The following PWWP2A variants were observed in gnomAD, a reference collection of about 807,000 sequenced individuals.
PWWP2A encodes the protein PWWP domain-containing protein 2A.
A neutral mutation model predicts 48.5 loss-of-function variants in PWWP2A; 18 were observed. The ratio of observed to expected loss-of-function variants is 0.37; its 90% CI spans 0.26 to 0.55. The LOEUF is 0.55. Ranked by LOEUF, PWWP2A falls within the 20% of genes least tolerant of loss-of-function variation. The pLI, the probability that PWWP2A is intolerant of heterozygous loss-of-function variation, is 0.81. For synonymous variants in PWWP2A, 396 were observed against 387.7 expected, an observed-to-expected ratio of 1.02 and a Z score of -0.25; for missense variants, 867 against 976.4, an observed-to-expected ratio of 0.89 and a Z score of 1.49.
the PWWP2A span, among the ~76,000 whole-genome samples, chr5:160,050,737 C>T: frequency 6.6e-6 from 1 of 151,504 alleles, no homozygotes; most frequent in African/African-American, 2.4e-5. Context: ...GCAACCCTCC[C>T]ACCTCAGCCT....
the PWWP2A span, among the ~76,000 whole-genome samples, chr5:160,054,176 G>A: frequency 6.6e-6 from 1 of 152,158 alleles, no homozygotes; most frequent in Non-Finnish European, 1.5e-5. Context: ...TTAAGGGTAT[G>A]TGTGGTTGAT....
chr5:160,050,246 G>A, the PWWP2A span, among the ~76,000 whole-genome samples: 2 of 152,152 alleles, frequency 1.3e-5, no homozygotes, highest in Admixed American at 6.5e-5. Flanking sequence ...TCGGGAGTTC[G>A]AGACCAGCCT....
At chr5:160,107,919 T>C (rs1050289625) in intron 1 of PWWP2A, among the ~76,000 whole-genome samples, 4 of 152,232 alleles carry the variant, frequency 2.6e-5, no homozygotes, top group African/African-American at 9.6e-5. Flanking sequence ...AAGAATTGTT[T>C]GAACCCGAAA....
the PWWP2A span, among the ~76,000 whole-genome samples, chr5:160,049,095 C>A: frequency 5.3e-5 from 8 of 152,188 alleles, no homozygotes; most frequent in African/African-American, 1.9e-4. Context: ...AAGCCAAATC[C>A]AGCCTGCCAC....
downstream of PWWP2A, chr5:160,089,970 G>A: frequency 2.0e-6 from 2 of 984,380 alleles, 1 homozygote; most frequent in Middle Eastern, 1.0e-3. Flanking sequence ...TTAATATTCA[G>A]CTATTAGAGT....
downstream of PWWP2A, chr5:160,091,144 C>CA: frequency 2.0e-6 from 2 of 979,962 alleles, no homozygotes; most frequent in African/African-American, 3.5e-5. Context: ...CTCTATACTA[C>CA]AAAATCTTAT....
chr5:160,087,317 G>A (rs1275441579), downstream of PWWP2A, among the ~76,000 whole-genome samples: 1 of 150,334 alleles, frequency 6.7e-6, no homozygotes, highest in Non-Finnish European at 1.5e-5. Flanking sequence ...TTGACCCCAG[G>A]AAGTCTAGGC....
chr5:160,093,403 T>C lies in PWWP2A; in HGVS notation c.1247A>G (p.Lys416Arg). 6.2e-7 allele frequency: 1 copy of C among 1,613,752 alleles called. No homozygotes were observed. Among genetic ancestry groups the C allele is most frequent in the Non-Finnish European group, 8.5e-7 (1 of 1,179,828 alleles). Reference protein sequence around the residue: ...NTSKAQLSTKKVLQSKNMDHA... With the variant: ...NTSKAQLSTKRVLQSKNMDHA... ...ATCCATGTTCTTACTCTGGAGAACT[T>C]TTTTAGTACTTAACTGAGCTTTTGA... is the stretch of plus-strand genomic sequence containing the variant. The change falls in exon 2 of 2, where the codon AAA becomes AGA. Residue 416 changes from lysine (K) to arginine (R), a missense_variant. This residue lies in a region of PWWP2A where 382 missense variants were observed against 407.2 expected (regional missense o/e 0.94). Transcript: ENST00000307063. This position sits in a 1 kb window ranked among gnomAD's most constrained non-coding sequence, Gnocchi z 5.8.
intron 1 of PWWP2A, 109 bp downstream of exon 1, chr5:160,118,696 G>T: frequency 1.8e-6 from 2 of 1,138,938 alleles, no homozygotes; most frequent in Non-Finnish European, 2.3e-6. Flanking sequence ...ACCAGAGGGC[G>T]GGGCCCCGGG....
chr5:160,100,997 G>A (rs1756219094), intron 1 of PWWP2A, among the ~76,000 whole-genome samples: 1 of 152,172 alleles, frequency 6.6e-6, no homozygotes, highest in Non-Finnish European at 1.5e-5. Flanking sequence ...GAGCTAGACA[G>A]ATAGAGATAT....
downstream of PWWP2A, among the ~76,000 whole-genome samples, chr5:160,070,966 T>C (rs1753725858): frequency 1.3e-5 from 2 of 152,144 alleles, no homozygotes; most frequent in East Asian, 1.9e-4. Flanking sequence ...CGCGGGCAAA[T>C]AGCTTTAGCC....
downstream of PWWP2A, among the ~76,000 whole-genome samples, chr5:160,058,376 A>G (rs907073522): frequency 1.3e-4 from 20 of 149,984 alleles, no homozygotes; most frequent in African/African-American, 4.9e-4. Context: ...TATTTTGACC[A>G]TCTCAGCAGC....
intron 1 of PWWP2A, chr5:160,108,513 CTG>C (rs1483195948): frequency 9.0e-7 from 1 of 1,113,222 alleles, no homozygotes; most frequent in Non-Finnish European, 1.2e-6. Context: ...AACCTGGACA[CTG>C]TAGTATAAGC....
the PWWP2A span, among the ~76,000 whole-genome samples, chr5:160,054,524 T>C: frequency 6.6e-6 from 1 of 151,864 alleles, no homozygotes; most frequent in Non-Finnish European, 1.5e-5. Context: ...CTGAGGTGGA[T>C]TGCCTTAGTC....
rs1755081981 is a variant in PWWP2A, at chr5:160,091,716, T to A, written c.*666A>T. On this transcript the variant is annotated 3_prime_UTR_variant, in exon 2 of 2. Coordinates refer to ENST00000307063, the MANE Select transcript of PWWP2A (RefSeq NM_001130864.2). ...GAAAGACAGTGATGACTAACACCTA[T>A]CCAGTCTTGACAGTTTTAATCCCAA... The A allele has an allele frequency of 1.0e-6, 1 of 985,014 alleles. No individual in the cohort carries two copies. The highest frequency in any genetic ancestry group is 1.7e-5 in the African/African-American group (1 of 57,174). 61.0% of individuals were successfully genotyped at this position (985,014 alleles called of 1,614,324 possible). A position where few individuals can be genotyped will look rare whatever the true frequency, so the allele number is the denominator to read the frequency against.
the PWWP2A span, among the ~76,000 whole-genome samples, chr5:160,045,509 CACACAT>C: frequency 0.013 from 975 of 76,046 alleles, 8 homozygotes; most frequent in Non-Finnish European, 0.015. Context: ...CACACACACA[CACACAT>C]ACACACTCTC....
rs781605360 is a variant in PWWP2A, at chr5:160,119,365, C to G, written c.24G>C (p.Ala8=). The change falls in exon 1 of 2, where the codon GCG becomes GCC. Residue 8 remains alanine (A), a synonymous_variant. Coordinates refer to ENST00000307063, the MANE Select transcript of PWWP2A (RefSeq NM_001130864.2). MAAVAAE[A]AATAASPGEG... The stretch of plus-strand genomic sequence containing the variant: ...CCCCGGGGGACGCTGCAGTCGCTGC[C>G]GCCTCTGCAGCCACGGCCGCCATTT... 9.4e-6 allele frequency: 13 copies of G among 1,377,452 alleles called. 1 individual carries two copies. The Admixed American group carries it at 4.9e-4, about 52-fold the overall frequency. The allele number at this position is 1,377,452 out of a possible 1,614,324, so 85.3% of individuals were successfully genotyped here.
chr5:160,074,747 A>C (rs1376254402), downstream of PWWP2A, among the ~76,000 whole-genome samples: 1 of 150,522 alleles, frequency 6.6e-6, no homozygotes, highest in Non-Finnish European at 1.5e-5. Flanking sequence ...ACTCCGTCTC[A>C]AAAAAACAAA....
rs186228262 is a variant in PWWP2A at position 160,083,429 on chromosome 5, A to G, written c.1550-2659T>C. On this transcript the variant is annotated intron_variant, in intron 2 of 3. Coordinates refer to the PWWP2A transcript ENST00000456329. ...CTAGAAAGAGGAGACAATCTACTCA[A>G]TCATACGAGCAGCAATAAAAACGAA... 3.3e-5 allele frequency among the ~76,000 whole-genome samples: 5 copies of G among 152,360 alleles called. No individual in the cohort carries two copies. In the East Asian group the frequency reaches 5.8e-4, roughly 18 times the overall value.
Sources: gnomAD v4.1 joint callset for allele counts (sites outside exome capture counted in the v4.1 genomes callset) on GRCh38, gnomAD v4.1.1 for gene constraint, gnomAD v4.1.1 regional missense constraint, Gnocchi (gnomAD v3.1) non-coding constraint, MANE v1.5 for transcripts, NCBI Gene and HGNC (gene_info 2026-07-23, HGNC 2026-07-21) for gene names.